COL24A1: variants seen among roughly 807,000 people sequenced by gnomAD.
COL24A1 encodes the protein collagen alpha-1(XXIV) chain.
In COL24A1, 224 loss-of-function variants were observed where a neutral mutation model predicts 253.9. That is an observed-to-expected ratio of 0.88 (90% CI 0.79 to 0.99). The LOEUF (loss-of-function observed/expected upper bound fraction) is 0.99, where lower values mean the gene tolerates loss of function less well. Among genes scored for constraint, COL24A1 ranks in the 50% least tolerant of loss-of-function variants. The pLI is 0.00. For missense variants in COL24A1, 2,131 were observed against 2,068.5 expected (o/e 1.03, Z -0.59); for synonymous variants, 685 against 673.7 (o/e 1.02, Z -0.26).
At chr1:85,903,076 C>A (rs1183160184) in intron 28 of COL24A1, among the ~76,000 whole-genome samples, 1 of 144,302 alleles carries the variant, frequency 6.9e-6, no homozygotes, top group African/African-American at 2.5e-5. Flanking sequence ...CTTAAAAAAA[C>A]CCATTACTTA....
intron 47 of COL24A1, among the ~76,000 whole-genome samples, chr1:85,810,550 T>A (rs555693816): frequency 1.3e-5 from 2 of 151,962 alleles, no homozygotes; most frequent in Non-Finnish European, 2.9e-5. Flanking sequence ...CCAAATCTCA[T>A]GTTGAATTGT....
chr1:85,948,307 G>A (rs1228690337), intron 24 of COL24A1, among the ~76,000 whole-genome samples: 1 of 151,630 alleles, frequency 6.6e-6, no homozygotes, highest in African/African-American at 2.4e-5. Flanking sequence ...GGCGGATCAC[G>A]AGGTCAGGAG....
chr1:86,113,629 T>G (rs573261049), intron 4 of COL24A1, among the ~76,000 whole-genome samples: 43 of 151,252 alleles, frequency 2.8e-4, no homozygotes, highest in African/African-American at 1.0e-3. Flanking sequence ...AGCTCAGGAG[T>G]TTGAGACCAG....
At chr1:85,920,631 T>A (rs549822185) in intron 24 of COL24A1, among the ~76,000 whole-genome samples, 1 of 151,374 alleles carries the variant, frequency 6.6e-6, no homozygotes, top group Non-Finnish European at 1.5e-5. Flanking sequence ...ATGGGAAAAA[T>A]AGAAAATAGG....
In COL24A1 at chr1:85,940,329, G is replaced by A. The variant is rs1169432945; in HGVS notation, c.2562+20920C>T. Among the ~76,000 whole-genome samples, 2 of 27,734 alleles carry A rather than the reference G, an allele frequency of 7.2e-5. 1 individual carries two copies. Among genetic ancestry groups the A allele is most frequent in the Non-Finnish European group, 1.6e-4 (2 of 12,158 alleles). 18.2% of individuals were successfully genotyped at this position (27,734 alleles called of 152,430 possible). Reference sequence around the variant, plus strand: ...TGAGGCAGGAGAATGGCGTGAACCCGGGAGGCGGAGCTTGCAGTGAGCCGA... The same window carrying A: ...TGAGGCAGGAGAATGGCGTGAACCCAGGAGGCGGAGCTTGCAGTGAGCCGA... On this transcript the variant is annotated intron_variant, in intron 24 of 59. Transcript: ENST00000370571.
At chr1:85,796,897 A>C (rs1670863952) in intron 47 of COL24A1, among the ~76,000 whole-genome samples, 1 of 152,036 alleles carries the variant, frequency 6.6e-6, no homozygotes, top group African/African-American at 2.4e-5. Flanking sequence ...CCTAACAACT[A>C]TGCAAAGAAC....
At chr1:85,830,652 A>G (rs1675117669) in intron 43 of COL24A1, among the ~76,000 whole-genome samples, 1 of 152,122 alleles carries the variant, frequency 6.6e-6, no homozygotes. Flanking sequence ...CCGTCGGAAA[A>G]GCGCAGTATT....
chr1:85,858,621 C>CTGCT, intron 37 of COL24A1, among the ~76,000 whole-genome samples: 1 of 113,270 alleles, frequency 8.8e-6, no homozygotes, highest in East Asian at 2.9e-4. Flanking sequence ...TATTTTCTCC[C>CTGCT]TCCTTCCTTC....
chr1:85,957,340 C>G (rs2100640725), intron 24 of COL24A1, among the ~76,000 whole-genome samples: 1 of 151,930 alleles, frequency 6.6e-6, no homozygotes, highest in South Asian at 2.1e-4. Flanking sequence ...ACATGTATCC[C>G]AGAACTTAAA....
At chr1:86,124,488 T>C (rs1268727689) in intron 3 of COL24A1, among the ~76,000 whole-genome samples, 1 of 152,030 alleles carries the variant, frequency 6.6e-6, no homozygotes, top group Non-Finnish European at 1.5e-5. Context: ...AACATGACTA[T>C]GCATTCTCCT....
intron 47 of COL24A1, among the ~76,000 whole-genome samples, chr1:85,802,692 C>T (rs1005987582): frequency 6.6e-6 from 1 of 152,188 alleles, no homozygotes; most frequent in African/African-American, 2.4e-5. Context: ...ATCCACTACC[C>T]CTAGAAGTTT....
intron 5 of COL24A1, among the ~76,000 whole-genome samples, chr1:86,110,846 G>T (rs79666716): frequency 6.7e-6 from 1 of 150,206 alleles, no homozygotes; most frequent in African/African-American, 2.4e-5. Flanking sequence ...ATGGGCTGCC[G>T]CGCGGCCCAA....
chr1:85,968,190 G>C (rs1484608779), intron 22 of COL24A1, among the ~76,000 whole-genome samples: 13 of 152,074 alleles, frequency 8.5e-5, no homozygotes, highest in Non-Finnish European at 1.5e-5. Flanking sequence ...GATCGTGTAA[G>C]TTAATACTTA....
At position 85,807,047 on chromosome 1, in the gene COL24A1, T is replaced by C. The variant is rs1313777117; in HGVS notation, c.3951+9741A>G. On this transcript the variant is annotated intron_variant, in intron 47 of 59. Transcript: ENST00000370571. ...AGAAATGGGGACATTTGAACAGACA[T>C]GGGCAAGACTAAGAACTCTGAACCT... 5.3e-5 allele frequency among the ~76,000 whole-genome samples: 8 copies of C among 152,306 alleles called. No homozygotes were observed. In the East Asian group the frequency reaches 5.8e-4, roughly 11 times the overall value.
intron 19 of COL24A1, among the ~76,000 whole-genome samples, chr1:85,991,503 T>G (rs908631410): frequency 1.4e-4 from 22 of 152,206 alleles, no homozygotes; most frequent in African/African-American, 4.8e-4. Context: ...TAACTGTCAG[T>G]TTTAGTCTTG....
At chr1:85,784,489 A>G in intron 48 of COL24A1, 123 bp from the exon 49 acceptor site, 2 of 628,644 alleles carry the variant, frequency 3.2e-6, no homozygotes, top group Non-Finnish European at 2.8e-6. Context: ...CACTGGGGAA[A>G]TCAAATTTTG....
chr1:86,016,934 C>T (rs1246941950), intron 19 of COL24A1, among the ~76,000 whole-genome samples: 1 of 152,130 alleles, frequency 6.6e-6, no homozygotes, highest in African/African-American at 2.4e-5. Context: ...TGATCCTAAT[C>T]AGTGTGAAAA....
At chr1:85,896,158 A>C (rs1683682161) in intron 29 of COL24A1, 93 bp from the exon 30 acceptor site, 1 of 1,349,808 alleles carries the variant, frequency 7.4e-7, no homozygotes, top group African/African-American at 1.5e-5. Context: ...CATACAAAAA[A>C]GACAGTAAGT....
At chr1:86,100,243 A>G (rs1487378443) in intron 5 of COL24A1, among the ~76,000 whole-genome samples, 1 of 152,120 alleles carries the variant, frequency 6.6e-6, no homozygotes, top group African/African-American at 2.4e-5. Flanking sequence ...TGGATTTAGT[A>G]AACTGTTGTT....
Sources: gnomAD v4.1 joint callset for allele counts (sites outside exome capture counted in the v4.1 genomes callset) on GRCh38, gnomAD v4.1.1 for gene constraint, MANE v1.5 for transcripts, NCBI Gene and HGNC (gene_info 2026-07-23, HGNC 2026-07-21) for gene names.